COPS7B: variants seen among roughly 807,000 people sequenced by gnomAD.
The protein encoded by COPS7B is COP9 signalosome complex subunit 7b.
Under a neutral mutation model 33.4 loss-of-function variants are expected in COPS7B, and 9 were observed. The ratio of observed to expected loss-of-function variants is 0.27; its 90% CI spans 0.16 to 0.47. The LOEUF is 0.47. Among genes scored for constraint, COPS7B ranks in the 20% least tolerant of loss-of-function variants. The pLI is 0.99. For missense variants in COPS7B, 242 were observed against 318.2 expected (o/e 0.76, Z 1.82); for synonymous variants, 119 against 126.3 (o/e 0.94, Z 0.39).
chr2:231,794,471 C>T (rs2049507678), intron 4 of COPS7B, 120 bp downstream of exon 4: 4 of 752,810 alleles, frequency 5.3e-6, no homozygotes, highest in Non-Finnish European at 8.7e-6. Flanking sequence ...ATAAAATTTG[C>T]TTGACAGAGG....
Position 231,808,428 on chromosome 2 carries a change from C to T in COPS7B, c.*783C>T, listed in dbSNP as rs112830395. 75 of 471,590 alleles carry T rather than the reference C, an allele frequency of 1.6e-4. No homozygotes were observed. Among genetic ancestry groups the T allele is most frequent in the Non-Finnish European group, 3.0e-4 (68 of 227,112 alleles). 29.2% of individuals were successfully genotyped at this position (471,590 alleles called of 1,614,324 possible). A position where few individuals can be genotyped will look rare whatever the true frequency, so the allele number is the denominator to read the frequency against. On this transcript the variant is annotated 3_prime_UTR_variant, in exon 7 of 7. Coordinates refer to ENST00000350033, the MANE Select transcript of COPS7B (RefSeq NM_022730.4). Reference sequence around the variant, plus strand: ...CTTGTTTTCGGTGTGTAGGCCCCAGCTGCCCACTGGAACTGCCGGCTAATG... The same window carrying T: ...CTTGTTTTCGGTGTGTAGGCCCCAGTTGCCCACTGGAACTGCCGGCTAATG...
upstream of COPS7B, among the ~76,000 whole-genome samples, chr2:231,784,993 T>C (rs2106300833): frequency 6.6e-6 from 1 of 152,354 alleles, no homozygotes; most frequent in South Asian, 2.1e-4. Flanking sequence ...GTATTTTTAG[T>C]AGAGACAGAG....
intron 3 of COPS7B, chr2:231,794,034 G>A: frequency 2.0e-6 from 1 of 507,200 alleles, no homozygotes; most frequent in Non-Finnish European, 3.5e-6. Context: ...CATTTTGCTT[G>A]TTTGCTTTTT....
At chr2:231,796,032 A>C in intron 4 of COPS7B, 74 bp from the exon 5 acceptor site, 1 of 1,280,974 alleles carries the variant, frequency 7.8e-7, no homozygotes, top group East Asian at 2.3e-5. Flanking sequence ...GCTGTTGGCT[A>C]TGGGAGTAAT....
intron 5 of COPS7B, among the ~76,000 whole-genome samples, chr2:231,797,843 G>C (rs1371761484): frequency 6.6e-6 from 1 of 152,182 alleles, no homozygotes; most frequent in East Asian, 1.9e-4. Flanking sequence ...TTAAACTTCT[G>C]AGAAAAGGCG....
intron 4 of COPS7B, among the ~76,000 whole-genome samples, chr2:231,795,891 A>G (rs1283328124): frequency 2.6e-5 from 4 of 152,312 alleles, no homozygotes; most frequent in East Asian, 3.9e-4. Context: ...GGTGAAGCCA[A>G]GGAGGCAGAG....
intron 5 of COPS7B, 117 bp from the exon 6 acceptor site, chr2:231,798,742 G>C: frequency 1.4e-6 from 1 of 732,734 alleles, no homozygotes; most frequent in Non-Finnish European, 2.3e-6. Context: ...GGCAGAGGGA[G>C]TATTAAAGGA....
At chr2:231,806,505 A>G (rs190900928) in intron 6 of COPS7B, among the ~76,000 whole-genome samples, 69 of 145,610 alleles carry the variant, frequency 4.7e-4, no homozygotes, top group Admixed American at 2.6e-3. Context: ...GTGAGCTGTG[A>G]TTGTGCCACT....
In COPS7B at chr2:231,808,478, C is replaced by A. The variant is rs1483416847; in HGVS notation, c.*833C>A. ...GCTTGCTCTCCCAAGATCTTTAACTCCTCCTGGCTGCACCTGGGTAGGGAT... is the reference window on the plus strand; with the variant it reads ...GCTTGCTCTCCCAAGATCTTTAACTACTCCTGGCTGCACCTGGGTAGGGAT... On this transcript the variant is annotated 3_prime_UTR_variant, in exon 7 of 7. Transcript: ENST00000350033. 1.9e-5 allele frequency: 9 copies of A among 471,512 alleles called. 1 individual carries two copies. Among genetic ancestry groups the A allele is most frequent in the Middle Eastern group, 3.2e-4 (1 of 3,104 alleles). The allele number at this position is 471,512 out of a possible 1,614,324, so 29.2% of individuals were successfully genotyped here.
intron 5 of COPS7B, among the ~76,000 whole-genome samples, chr2:231,797,796 GA>G (rs1197599933): frequency 6.6e-6 from 1 of 152,190 alleles, no homozygotes; most frequent in Non-Finnish European, 1.5e-5. Context: ...TAATAGTGGG[GA>G]AAATAGGAGG....
chr2:231,797,673 T>A (rs1169790204), intron 5 of COPS7B, among the ~76,000 whole-genome samples: 3 of 152,172 alleles, frequency 2.0e-5, no homozygotes, highest in Non-Finnish European at 4.4e-5. Context: ...GAAACAAAAT[T>A]CATAGGCTGA....
intron 6 of COPS7B, among the ~76,000 whole-genome samples, chr2:231,799,544 G>C (rs548050304): frequency 6.6e-6 from 1 of 152,318 alleles, no homozygotes; most frequent in South Asian, 2.1e-4. Flanking sequence ...ATGTAAGTGT[G>C]GTTTTAGTGA....
chr2:231,784,660 C>G (rs2106300328), upstream of COPS7B, among the ~76,000 whole-genome samples: 1 of 152,306 alleles, frequency 6.6e-6, no homozygotes, highest in African/African-American at 2.4e-5. Flanking sequence ...TTAACACTAG[C>G]TCTAGACAGC....
rs1230745073 is a variant in COPS7B at position 231,807,894 on chromosome 2, G to A, written c.*249G>A. The A allele has an allele frequency of 1.7e-5, 7 of 409,598 alleles. No individual in the cohort carries two copies. The highest frequency in any genetic ancestry group is 1.3e-5 in the Non-Finnish European group (3 of 228,576). 25.4% of individuals were successfully genotyped at this position (409,598 alleles called of 1,614,324 possible). A position where few individuals can be genotyped will look rare whatever the true frequency, so the allele number is the denominator to read the frequency against. On this transcript the variant is annotated 3_prime_UTR_variant, in exon 7 of 7. Transcript: ENST00000350033. ...CCATCCCAAAACAGGGTCAGACACT[G>A]CCCAGCTTCCCTCCAGGAGGTTCTT...
chr2:231,799,878 A>G (rs1229186749), intron 6 of COPS7B, among the ~76,000 whole-genome samples: 2 of 152,160 alleles, frequency 1.3e-5, no homozygotes, highest in Admixed American at 6.5e-5. Flanking sequence ...GTGATTCTCT[A>G]TACTGTTATA....
intron 6 of COPS7B, among the ~76,000 whole-genome samples, chr2:231,804,074 C>T (rs142318966): frequency 2.0e-5 from 3 of 152,240 alleles, no homozygotes; most frequent in Admixed American, 6.5e-5. Context: ...TTGTCACTTT[C>T]TGATAGGCTG....
intron 6 of COPS7B, among the ~76,000 whole-genome samples, chr2:231,799,708 G>A (rs537070525): frequency 6.6e-6 from 1 of 152,292 alleles, no homozygotes; most frequent in African/African-American, 2.4e-5. Flanking sequence ...AGCATTGGAA[G>A]TTCTTTTCTA....
intron 6 of COPS7B, chr2:231,801,025 G>T: frequency 2.4e-6 from 2 of 824,614 alleles, no homozygotes; most frequent in South Asian, 1.6e-5. Context: ...CAAAGAATCA[G>T]GGTGATTCTG....
In COPS7B at chr2:231,807,858, C is replaced by T. The variant is rs906706181; in HGVS notation, c.*213C>T. 141 of 493,080 alleles carry T rather than the reference C, an allele frequency of 2.9e-4. 2 individuals are homozygous for T. Among genetic ancestry groups the T allele is most frequent in the Non-Finnish European group, 7.2e-6 (2 of 278,832 alleles). The allele number at this position is 493,080 out of a possible 1,614,324, so 30.5% of individuals were successfully genotyped here. A position where few individuals can be genotyped will look rare whatever the true frequency, so the allele number is the denominator to read the frequency against. On this transcript the variant is annotated 3_prime_UTR_variant, in exon 7 of 7. Coordinates refer to ENST00000350033, the MANE Select transcript of COPS7B (RefSeq NM_022730.4). ...CAGTTGTTCCCTTCAGACTCAGGGG[C>T]TCCACCAATGCCATCCCAAAACAGG...
Sources: allele counts gnomAD v4.1 joint callset (sites outside exome capture counted in the v4.1 genomes callset), GRCh38; gene constraint gnomAD v4.1.1; transcripts MANE v1.5; gene names NCBI Gene and HGNC (gene_info 2026-07-23, HGNC 2026-07-21).